PAX2: variants seen among roughly 807,000 people sequenced by gnomAD.
The protein encoded by PAX2 is paired box 2.
In PAX2, 9 loss-of-function variants were observed where a neutral mutation model predicts 41.7. The ratio of observed to expected loss-of-function variants is 0.22; its 90% confidence interval spans 0.13 to 0.38. PAX2 has a LOEUF of 0.38. Ranked by LOEUF, PAX2 falls within the 10% of genes least tolerant of loss-of-function variation. PAX2 has a pLI of 1.00. For missense variants in PAX2, 418 were observed against 531.6 expected, an observed-to-expected ratio of 0.79 and a Z score of 2.10; for synonymous variants, 221 against 212.7, an observed-to-expected ratio of 1.04 and a Z score of -0.34.
intron 3 of PAX2, among the ~76,000 whole-genome samples, chr10:100,761,694 A>G (rs55889623): frequency 0.087 from 13,282 of 152,190 alleles, 1,726 homozygotes; most frequent in African/African-American, 0.28. Flanking sequence ...AAATACAATG[A>G]GATTTATTTC....
intron 6 of PAX2, among the ~76,000 whole-genome samples, chr10:100,808,709 A>G (rs934671459): frequency 6.6e-6 from 1 of 152,098 alleles, no homozygotes; most frequent in African/African-American, 2.4e-5. Context: ...TGAAGGCCCC[A>G]CTAGGCCCTT....
chr10:100,764,190 C>T (rs886557190), intron 3 of PAX2, among the ~76,000 whole-genome samples: 1 of 135,818 alleles, frequency 7.4e-6, no homozygotes, highest in Non-Finnish European at 1.5e-5. Flanking sequence ...GTCGCCCAGG[C>T]TGGAGTGCAG....
intron 3 of PAX2, among the ~76,000 whole-genome samples, chr10:100,773,338 C>A (rs943093332): frequency 6.6e-6 from 1 of 152,128 alleles, no homozygotes; most frequent in Non-Finnish European, 1.5e-5. Context: ...GCCTGCCCAG[C>A]CTAGTCCAGT....
rs1379864435 is a variant in PAX2 at position 100,779,654 on chromosome 10, CT to C, written c.496+72del. The C allele has an allele frequency of 9.0e-6, 11 of 1,222,016 alleles. No homozygotes were observed. In the African/African-American group the frequency reaches 1.3e-4, roughly 15 times the overall value. 75.7% of individuals were successfully genotyped at this position (1,222,016 alleles called of 1,614,324 possible). A position where few individuals can be genotyped will look rare whatever the true frequency, so the allele number is the denominator to read the frequency against. On this transcript the variant is annotated intron_variant, in intron 4 of 9. Transcript: ENST00000355243. ...AAAGGCAGGAAACGCAGCTCCACCCCTGGGAACTGCCTGCCCGCTTGAGGTC... is the reference window on the plus strand; with the variant it reads ...AAAGGCAGGAAACGCAGCTCCACCCCGGGAACTGCCTGCCCGCTTGAGGTC...
chr10:100,780,061 T>C (rs1406962372), intron 4 of PAX2, among the ~76,000 whole-genome samples: 1 of 151,998 alleles, frequency 6.6e-6, no homozygotes, highest in Non-Finnish European at 1.5e-5. Flanking sequence ...TCCTCTTCTT[T>C]TCTCCCTCTG....
chr10:100,752,829 A>G (rs956980586), intron 3 of PAX2, among the ~76,000 whole-genome samples: 3 of 152,174 alleles, frequency 2.0e-5, no homozygotes, highest in Non-Finnish European at 1.5e-5. Flanking sequence ...TGGCTTAGGC[A>G]TAAGTTTGGA....
At chr10:100,759,642 G>C (rs747968469) in intron 3 of PAX2, among the ~76,000 whole-genome samples, 1 of 152,206 alleles carries the variant, frequency 6.6e-6, no homozygotes, top group Non-Finnish European at 1.5e-5. Context: ...AACAGAACAA[G>C]CCAGGGACAG....
At chr10:100,764,292 C>T (rs141747020) in intron 3 of PAX2, among the ~76,000 whole-genome samples, 4,024 of 151,914 alleles carry the variant, frequency 0.026, 191 homozygotes, top group African/African-American at 0.088. Flanking sequence ...CACAGGCGCC[C>T]GCCACCACGC....
intron 3 of PAX2, among the ~76,000 whole-genome samples, chr10:100,762,496 G>T (rs1161393362): frequency 6.6e-6 from 1 of 152,140 alleles, no homozygotes; most frequent in East Asian, 1.9e-4. Flanking sequence ...CTTGATAAAA[G>T]TGGTAATCCT....
chr10:100,760,886 T>A (rs1845814821), intron 3 of PAX2, among the ~76,000 whole-genome samples: 1 of 152,096 alleles, frequency 6.6e-6, no homozygotes, highest in Non-Finnish European at 1.5e-5. Flanking sequence ...TGTTCCTCAC[T>A]CCCCGCTGCT....
At chr10:100,792,906 G>A (rs11190709) in intron 5 of PAX2, among the ~76,000 whole-genome samples, 138,822 of 152,260 alleles carry the variant, frequency 0.91, 63,334 homozygotes, top group East Asian at 1. Context: ...CCCCAACACA[G>A]GAAAACATAA....
chr10:100,817,499 G>A (rs1436910980), intron 7 of PAX2, among the ~76,000 whole-genome samples: 1 of 152,250 alleles, frequency 6.6e-6, no homozygotes, highest in Non-Finnish European at 1.5e-5. Context: ...GCTGGGAGAA[G>A]GGATGGAAAC....
chr10:100,735,688 G>C lies in PAX2; in HGVS notation c.-21G>C, dbSNP rs1419226634. The C allele has an allele frequency of 3.8e-6, 4 of 1,056,496 alleles. No individual in the cohort carries two copies. In the Admixed American group the frequency reaches 1.6e-4, roughly 43 times the overall value. The allele number at this position is 1,056,496 out of a possible 1,614,324, so 65.4% of individuals were successfully genotyped here. The stretch of plus-strand genomic sequence containing the variant: ...ACAGCCAGACCCAGCCCCAGGACGC[G>C]GCGGCCGCGGGGAGCCTAGCATGGA... On this transcript the variant is annotated 5_prime_UTR_variant, in exon 1 of 10. Transcript: ENST00000679374.
At position 100,745,682 on chromosome 10, in the gene PAX2, C is replaced by T. The variant is rs947250255; in HGVS notation, c.-579C>T. 3.2e-6 allele frequency: 3 copies of T among 927,378 alleles called. No homozygotes were observed. The African/African-American group carries it at 5.3e-5, about 16-fold the overall frequency. 57.4% of individuals were successfully genotyped at this position (927,378 alleles called of 1,614,324 possible). On this transcript the variant is annotated 5_prime_UTR_variant, in exon 1 of 10. Coordinates refer to ENST00000355243, the MANE Select transcript of PAX2 (RefSeq NM_000278.5). ...TCCCTCCCTCCCGGCCCTTCGGCCGCGGCGGCGTGCGCCTGCCTTTTCCGG... is the reference window on the plus strand; with the variant it reads ...TCCCTCCCTCCCGGCCCTTCGGCCGTGGCGGCGTGCGCCTGCCTTTTCCGG...
At position 100,746,316 on chromosome 10, in the gene PAX2, G is replaced by C. The variant is rs763464165; in HGVS notation, c.43+13G>C. The C allele has an allele frequency of 1.3e-6, 2 of 1,551,358 alleles. No individual in the cohort carries two copies. Among genetic ancestry groups the C allele is most frequent in the East Asian group, 2.2e-5 (1 of 44,564 alleles). ...TCCGCGATGCACCGTGAGTACCGGC[G>C]CCCGGCTCCTGTCCCGGCTCGGGGC... On this transcript the variant is annotated intron_variant, in intron 1 of 9. Coordinates refer to ENST00000355243, the MANE Select transcript of PAX2 (RefSeq NM_000278.5).
chr10:100,753,626 G>T (rs1027337240), intron 3 of PAX2, among the ~76,000 whole-genome samples: 1 of 152,186 alleles, frequency 6.6e-6, no homozygotes, highest in Admixed American at 6.5e-5. Context: ...ACAGTTATGA[G>T]TAAGGTTGTG....
intron 5 of PAX2, among the ~76,000 whole-genome samples, chr10:100,795,853 TCA>T (rs1847310281): frequency 6.6e-6 from 1 of 152,246 alleles, no homozygotes; most frequent in Admixed American, 6.5e-5. Flanking sequence ...CCTACTGGGC[TCA>T]GTTTGAAGAT....
At chr10:100,739,599 C>T (rs1461548082) in intron 1 of PAX2, among the ~76,000 whole-genome samples, 1 of 152,226 alleles carries the variant, frequency 6.6e-6, no homozygotes, top group Non-Finnish European at 1.5e-5. Context: ...TGTATTTCGG[C>T]TGTGGCTGTT....
At chr10:100,825,281 G>C (rs1848510068) in intron 8 of PAX2, among the ~76,000 whole-genome samples, 1 of 152,258 alleles carries the variant, frequency 6.6e-6, no homozygotes, top group African/African-American at 2.4e-5. Context: ...TGGAGGTCAG[G>C]CTGCGGCGGG....
Sources: allele counts gnomAD v4.1 joint callset (sites outside exome capture counted in the v4.1 genomes callset), GRCh38; gene constraint gnomAD v4.1.1; transcripts MANE v1.5; gene names NCBI Gene and HGNC (gene_info 2026-07-23, HGNC 2026-07-21).